MECOM: variants seen among roughly 807,000 people sequenced by gnomAD.
MECOM encodes histone-lysine N-methyltransferase MECOM.
A neutral mutation model predicts 116.3 loss-of-function variants in MECOM; 13 were observed. The observed-to-expected ratio is 0.11, with a 90% confidence interval of 0.07 to 0.18. The LOEUF (loss-of-function observed/expected upper bound fraction) is 0.18, where lower values mean the gene tolerates loss of function less well. Ranked by LOEUF, MECOM falls within the 10% of genes least tolerant of loss-of-function variation. The pLI is 1.00. For missense variants in MECOM, 1,299 were observed against 1,509.0 expected (o/e 0.86, Z 2.31); for synonymous variants, 528 against 535.2 (o/e 0.99, Z 0.19).
chr3:169,284,851 C>T, intron 2 of MECOM, among the ~76,000 whole-genome samples: 1 of 152,104 alleles, frequency 6.6e-6, no homozygotes, highest in South Asian at 2.1e-4. Flanking sequence ...ATAATTATCA[C>T]TGAGTTTTAC....
chr3:169,505,529 T>C (rs2108998953), intron 1 of MECOM, among the ~76,000 whole-genome samples: 1 of 152,316 alleles, frequency 6.6e-6, no homozygotes, highest in South Asian at 2.1e-4. Context: ...TCACCTAACA[T>C]AGTAATCTTG....
chr3:169,653,525 T>C (rs942885388), intron 1 of MECOM, among the ~76,000 whole-genome samples: 4 of 152,146 alleles, frequency 2.6e-5, no homozygotes, highest in Non-Finnish European at 4.4e-5. Flanking sequence ...AGGAGTTAGA[T>C]TTTGACAGTC....
intron 2 of MECOM, among the ~76,000 whole-genome samples, chr3:169,175,867 T>C (rs1745084621): frequency 6.6e-6 from 1 of 152,186 alleles, no homozygotes; most frequent in Non-Finnish European, 1.5e-5. Context: ...GACATGGCTT[T>C]AAACCACAGG....
intron 1 of MECOM, among the ~76,000 whole-genome samples, chr3:169,439,364 A>C (rs148948585): frequency 0.01 from 1,507 of 148,406 alleles, 21 homozygotes; most frequent in African/African-American, 0.035. Context: ...TAATATAGTT[A>C]ATATATTATT....
chr3:169,523,433 A>AT (rs34747811), intron 1 of MECOM, among the ~76,000 whole-genome samples: 38 of 147,988 alleles, frequency 2.6e-4, no homozygotes, highest in East Asian at 2.4e-3. Context: ...ACTGCAGGTA[A>AT]TTTTTTTTTT....
At chr3:169,301,898 G>T (rs555336480) in intron 2 of MECOM, among the ~76,000 whole-genome samples, 2 of 151,906 alleles carry the variant, frequency 1.3e-5, no homozygotes, top group South Asian at 4.2e-4. Flanking sequence ...ATATGATGGG[G>T]GCAACACAAA....
chr3:169,095,282 A>G, intron 12 of MECOM, 37 bp from the exon 13 acceptor site: 2 of 1,565,176 alleles, frequency 1.3e-6, no homozygotes, highest in Non-Finnish European at 1.7e-6. Flanking sequence ...TAGCAAGCAC[A>G]TTAAAAGGTA....
rs1160223015 is a variant in MECOM, at chr3:169,472,533, A to AAAAGAAAAGGAAAGGAAAGG, written c.38-91010_38-91009insCCTTTCCTTTCCTTTTCTTT. Among the ~76,000 whole-genome samples, 33 of 85,162 alleles carry AAAAGAAAAGGAAAGGAAAGG rather than the reference A, an allele frequency of 3.9e-4. 1 individual carries two copies. The highest frequency in any genetic ancestry group is 1.3e-3 in the African/African-American group (21 of 16,492). 55.9% of individuals were successfully genotyped at this position (85,162 alleles called of 152,430 possible). On this transcript the variant is annotated intron_variant, in intron 1 of 16. Coordinates refer to ENST00000651503, the MANE Select transcript of MECOM (RefSeq NM_004991.4). Reference sequence around the variant, plus strand: ...GAAAGGAAAGGAAAGAAAAGAAAAGAAAAGGAAAGGAAAGGAAAAGAAAAG... The same window carrying AAAAGAAAAGGAAAGGAAAGG: ...GAAAGGAAAGGAAAGAAAAGAAAAGAAAAGAAAAGGAAAGGAAAGGAAAGGAAAGGAAAGGAAAAGAAAAG...
chr3:169,661,205 G>A (rs964326746), intron 1 of MECOM, among the ~76,000 whole-genome samples: 78 of 152,110 alleles, frequency 5.1e-4, no homozygotes, highest in African/African-American at 1.8e-3. Context: ...GAAGTTATCG[G>A]GCAGTGAGTT....
At chr3:169,301,121 G>A (rs932906183) in intron 2 of MECOM, among the ~76,000 whole-genome samples, 5 of 152,150 alleles carry the variant, frequency 3.3e-5, no homozygotes, top group African/African-American at 1.2e-4. Context: ...ATATCGGCGC[G>A]ATTCTGTTAG....
In MECOM at chr3:169,507,803, A is replaced by T. The variant is rs1578296342; in HGVS notation, c.38-126279T>A. Among the ~76,000 whole-genome samples the T allele has an allele frequency of 2.2e-5, 3 of 134,198 alleles. No individual in the cohort carries two copies. In the South Asian group the frequency reaches 7.0e-4, roughly 31 times the overall value. 88.0% of individuals were successfully genotyped at this position (134,198 alleles called of 152,430 possible). A position where few individuals can be genotyped will look rare whatever the true frequency, so the allele number is the denominator to read the frequency against. On this transcript the variant is annotated intron_variant, in intron 1 of 16. Coordinates refer to ENST00000651503, the MANE Select transcript of MECOM (RefSeq NM_004991.4). ...CAGCCTCCCGAGTAGCTGGGACCAC[A>T]GGCACCGCCACCACGCCCGGCTAAT... is the stretch of plus-strand genomic sequence containing the variant.
chr3:169,116,856 AG>A, intron 7 of MECOM, 117 bp from the exon 8 acceptor site: 1 of 1,327,050 alleles, frequency 7.5e-7, no homozygotes, highest in South Asian at 1.6e-5. Context: ...AAGACATTGG[AG>A]GCACCAATCT....
chr3:169,305,448 G>C (rs1200275006), intron 2 of MECOM, among the ~76,000 whole-genome samples: 2 of 152,220 alleles, frequency 1.3e-5, no homozygotes, highest in East Asian at 3.9e-4. Flanking sequence ...GAAGCCCAAA[G>C]CACTTTAGAA....
At position 169,478,407 on chromosome 3, in the gene MECOM, A is replaced by G. The variant is rs181818923; in HGVS notation, c.38-96883T>C. 5.3e-4 allele frequency among the ~76,000 whole-genome samples: 81 copies of G among 152,206 alleles called. 3 individuals carry two copies. The highest frequency in any genetic ancestry group is 7.7e-4 in the East Asian group (4 of 5,180). On this transcript the variant is annotated intron_variant, in intron 1 of 16. Transcript: ENST00000651503. ...TACAGCCACCTAGAGTAACCAGCCT[A>G]TCTCCACTTTTCCCATTACTTGTTA...
chr3:169,661,596 G>A (rs1394464287), intron 1 of MECOM, among the ~76,000 whole-genome samples: 1 of 152,176 alleles, frequency 6.6e-6, no homozygotes, highest in African/African-American at 2.4e-5. Flanking sequence ...GTGTACGAGT[G>A]CTTGGGTGAG....
intron 1 of MECOM, among the ~76,000 whole-genome samples, chr3:169,570,138 A>G (rs1341349140): frequency 1.3e-5 from 2 of 152,196 alleles, no homozygotes; most frequent in South Asian, 4.1e-4. Context: ...ACACAATAAA[A>G]AATTATAAAG....
At chr3:169,414,953 C>T (rs1338995526) in intron 1 of MECOM, among the ~76,000 whole-genome samples, 2 of 152,172 alleles carry the variant, frequency 1.3e-5, no homozygotes, top group Admixed American at 1.3e-4. Flanking sequence ...AGTTGGAAAA[C>T]ACACTTCAGG....
chr3:169,260,172 C>G, intron 2 of MECOM, among the ~76,000 whole-genome samples: 1 of 152,038 alleles, frequency 6.6e-6, no homozygotes, highest in Non-Finnish European at 1.5e-5. Flanking sequence ...ATTGGACTCC[C>G]TGACATTTGG....
chr3:169,630,452 T>TAAAA (rs71166258), intron 1 of MECOM, among the ~76,000 whole-genome samples: 3 of 131,318 alleles, frequency 2.3e-5, no homozygotes, highest in Non-Finnish European at 3.2e-5. Flanking sequence ...AATTTATTCT[T>TAAAA]AAAAAAAAAA....
Sources: gnomAD v4.1 joint callset for allele counts (sites outside exome capture counted in the v4.1 genomes callset) on GRCh38, gnomAD v4.1.1 for gene constraint, MANE v1.5 for transcripts, NCBI Gene and HGNC (gene_info 2026-07-23, HGNC 2026-07-21) for gene names.